SEMA3D: variants seen among roughly 807,000 people sequenced by gnomAD.
The protein encoded by SEMA3D is semaphorin 3D.
SEMA3D carries 84 observed loss-of-function variants against 100.1 expected under a neutral mutation model. That is an observed-to-expected ratio of 0.84 (90% CI 0.70 to 1.01). The LOEUF is 1.01. SEMA3D is among the 50% of genes least tolerant of loss of function. The pLI is 0.00. For synonymous variants in SEMA3D, 312 were observed against 320.7 expected, an observed-to-expected ratio of 0.97 and a Z score of 0.29; for missense variants, 875 against 934.1, an observed-to-expected ratio of 0.94 and a Z score of 0.82.
At chr7:85,191,207 A>G (rs1791687860), upstream of SEMA3D, among the ~76,000 whole-genome samples, 1 of 152,128 alleles carries the variant, frequency 6.6e-6, no homozygotes, top group African/African-American at 2.4e-5. Context: ...GACTACCAAC[A>G]TTCACTAGAA....
chr7:85,114,441 T>C (rs1395909518), intron 3 of SEMA3D, among the ~76,000 whole-genome samples: 7 of 152,148 alleles, frequency 4.6e-5, no homozygotes, highest in Non-Finnish European at 8.8e-5. Flanking sequence ...CTTAAAATGG[T>C]GTGCTGTGAG....
Position 85,167,453 on chromosome 7 carries a change from CTAA to C in SEMA3D, c.-172-13717_-172-13715del, listed in dbSNP as rs1055065173. 1.3e-5 allele frequency: 11 copies of C among 872,364 alleles called. No individual in the cohort carries two copies. In the African/African-American group the frequency reaches 1.8e-4, roughly 14 times the overall value. 54.0% of individuals were successfully genotyped at this position (872,364 alleles called of 1,614,324 possible). A position where few individuals can be genotyped will look rare whatever the true frequency, so the allele number is the denominator to read the frequency against. ...GATATAATTTACTGTGAAGCTGATA[CTAA>C]TGTTGGACGTCTATTTGTGGTAGAT... On this transcript the variant is annotated intron_variant, in intron 1 of 18. Coordinates refer to ENST00000284136, the MANE Select transcript of SEMA3D (RefSeq NM_001384900.1).
At chr7:85,174,610 G>C (rs1459674008) in intron 1 of SEMA3D, among the ~76,000 whole-genome samples, 1 of 152,222 alleles carries the variant, frequency 6.6e-6, no homozygotes, top group East Asian at 1.9e-4. Context: ...TTGTATCCTT[G>C]AGAAACAATC....
chr7:85,206,015 T>C, the SEMA3D span, among the ~76,000 whole-genome samples: 5 of 152,194 alleles, frequency 3.3e-5, no homozygotes, highest in African/African-American at 1.2e-4. Flanking sequence ...CTCTCCAAAC[T>C]GGTAGCTAGG....
intron 3 of SEMA3D, among the ~76,000 whole-genome samples, chr7:85,110,517 C>CT: frequency 6.6e-6 from 1 of 151,968 alleles, no homozygotes; most frequent in Admixed American, 6.6e-5. Flanking sequence ...TCCTTGAAAA[C>CT]TTTTTTATGT....
intron 9 of SEMA3D, among the ~76,000 whole-genome samples, chr7:85,042,710 T>A (rs1790897996): frequency 6.6e-6 from 1 of 152,156 alleles, no homozygotes; most frequent in African/African-American, 2.4e-5. Context: ...TCTTTCTATG[T>A]TGTCCAAGCT....
At chr7:85,092,674 CTA>C (rs1039349777) in intron 4 of SEMA3D, among the ~76,000 whole-genome samples, 1 of 151,858 alleles carries the variant, frequency 6.6e-6, no homozygotes, top group Non-Finnish European at 1.5e-5. Context: ...AATACTATGA[CTA>C]TAGAATAACA....
At chr7:85,081,857 T>A (rs947064528) in intron 4 of SEMA3D, among the ~76,000 whole-genome samples, 2 of 152,206 alleles carry the variant, frequency 1.3e-5, no homozygotes, top group African/African-American at 4.8e-5. Context: ...ATAAGCTTTA[T>A]CATGATGTCA....
chr7:85,155,251 ACT>A (rs1020729794), intron 1 of SEMA3D, among the ~76,000 whole-genome samples: 1 of 152,154 alleles, frequency 6.6e-6, no homozygotes, highest in Non-Finnish European at 1.5e-5. Flanking sequence ...ACCCCTAAAC[ACT>A]CTACCAGAAT....
At chr7:85,033,765 C>T (rs185633635) in intron 12 of SEMA3D, among the ~76,000 whole-genome samples, 108 of 151,786 alleles carry the variant, frequency 7.1e-4, no homozygotes, top group African/African-American at 2.6e-3. Flanking sequence ...AGAAAAGGCT[C>T]AGAATGTGAC....
Position 85,124,396 on chromosome 7 carries a change from T to C in SEMA3D, c.-40-2465A>G, listed in dbSNP as rs532562796. ...TAACTTGTGATGGTATTTGAATATA[T>C]CTAACATATATTCACTTATATATAT... On this transcript the variant is annotated intron_variant, in intron 2 of 18. Coordinates refer to ENST00000284136, the MANE Select transcript of SEMA3D (RefSeq NM_001384900.1). 7.9e-5 allele frequency among the ~76,000 whole-genome samples: 12 copies of C among 152,090 alleles called. No individual in the cohort carries two copies. In the East Asian group the frequency reaches 1.9e-3, roughly 24 times the overall value.
chr7:85,236,286 TTTA>T, the SEMA3D span, among the ~76,000 whole-genome samples: 26 of 94,032 alleles, frequency 2.8e-4, no homozygotes, highest in African/African-American at 1.0e-3. Context: ...TTTTATTTTA[TTTA>T]TTTATTTATT....
chr7:85,123,152 A>G (rs1444174330), intron 2 of SEMA3D, among the ~76,000 whole-genome samples: 1 of 152,160 alleles, frequency 6.6e-6, no homozygotes. Flanking sequence ...TCAACACATC[A>G]TCAGGACTTT....
intron 2 of SEMA3D, among the ~76,000 whole-genome samples, chr7:85,125,078 A>C (rs1445889785): frequency 6.6e-6 from 1 of 152,114 alleles, no homozygotes; most frequent in Non-Finnish European, 1.5e-5. Flanking sequence ...ACCCTCTAAA[A>C]AAAGTGAAAG....
chr7:85,202,007 A>C, the SEMA3D span, among the ~76,000 whole-genome samples: 2 of 151,882 alleles, frequency 1.3e-5, no homozygotes, highest in Non-Finnish European at 2.9e-5. Flanking sequence ...GGCATGAGCT[A>C]TCACACTAGT....
At chr7:85,178,631 A>C (rs1351300692) in intron 1 of SEMA3D, among the ~76,000 whole-genome samples, 1 of 152,168 alleles carries the variant, frequency 6.6e-6, no homozygotes, top group Non-Finnish European at 1.5e-5. Context: ...CAGAGCAAAA[A>C]AATTTGGAAA....
the SEMA3D span, among the ~76,000 whole-genome samples, chr7:85,233,989 C>T: frequency 6.6e-6 from 1 of 152,080 alleles, no homozygotes; most frequent in Admixed American, 6.6e-5. Flanking sequence ...GCATATTAGA[C>T]AATATAATTT....
intron 14 of SEMA3D, 39 bp downstream of exon 14, chr7:85,020,194 T>C: frequency 7.2e-7 from 1 of 1,397,844 alleles, no homozygotes; most frequent in Non-Finnish European, 1.0e-6. Flanking sequence ...CTACTCAGTT[T>C]CAACATCTTT....
rs1010049000 is a variant in SEMA3D, at chr7:85,006,558, G to GA, written c.1908+243dup. ...GGCAATCTATGAAATATGGAATTTG[G>GA]AAAAAAAATGTAAATTTCTTTAAAA... On this transcript the variant is annotated intron_variant, in intron 18 of 18. Transcript: ENST00000284136. Among the ~76,000 whole-genome samples, 22 of 151,340 alleles carry GA rather than the reference G, an allele frequency of 1.5e-4. No homozygotes were observed. In the South Asian group the frequency reaches 1.5e-3, roughly 10 times the overall value.
Sources: gnomAD v4.1 joint callset for allele counts (sites outside exome capture counted in the v4.1 genomes callset) on GRCh38, gnomAD v4.1.1 for gene constraint, MANE v1.5 for transcripts, NCBI Gene and HGNC (gene_info 2026-07-23, HGNC 2026-07-21) for gene names.